Variants in FLNC observed in about 807,000 individuals in gnomAD.
FLNC encodes the protein filamin-C.
A neutral mutation model predicts 254.3 loss-of-function variants in FLNC; 91 were observed. The observed-to-expected ratio is 0.36, with a 90% confidence interval of 0.30 to 0.43. FLNC has a LOEUF of 0.43. Ranked by LOEUF, FLNC falls within the 20% of genes least tolerant of loss-of-function variation. FLNC has a pLI of 1.00. For synonymous variants in FLNC, 1,430 were observed against 1,577.2 expected, an observed-to-expected ratio of 0.91 and a Z score of 2.21; for missense variants, 2,853 against 3,802.6, an observed-to-expected ratio of 0.75 and a Z score of 6.57.
chr7:128,833,380 C>T (rs993586238), intron 1 of FLNC, among the ~76,000 whole-genome samples: 1 of 152,236 alleles, frequency 6.6e-6, no homozygotes, highest in Middle Eastern at 3.2e-3. Flanking sequence ...TGGGGGTATC[C>T]CTAGGCAGAT....
rs370520806 is a variant in FLNC at position 128,845,187 on chromosome 7, G to A, written c.3722G>A (p.Arg1241His). 3.6e-5 allele frequency: 58 copies of A among 1,613,890 alleles called. 1 individual carries two copies. In the Middle Eastern group the frequency reaches 4.9e-4, roughly 14 times the overall value. Residue 1241 changes from arginine (R) to histidine (H), a missense_variant, in exon 21 of 48, where the codon CGT becomes CAT. Transcript: ENST00000325888. ...CATCCCGTGCCCAAATTCCCCACCC[G>A]TGTCCATGTGCAGCCTGCGGTCGAT... ...GGHPVPKFPT[R>H]VHVQPAVDTS...
rs753191961 is a variant in FLNC, at chr7:128,849,386, T to C, written c.5007T>C (p.Asp1669=). Residue 1669 remains aspartate (D), a synonymous_variant, in exon 30 of 48, where the codon GAT becomes GAC. Coordinates refer to ENST00000325888, the MANE Select transcript of FLNC (RefSeq NM_001458.5). ...GGCAGGAGACGGTGATCACGGTGGA[T>C]GCCAAGGCAGCCGGTGAGGGGAAGG... ...QIGQETVITV[D]AKAAGEGKVT... 2 of 1,614,092 alleles carry C rather than the reference T, an allele frequency of 1.2e-6. No homozygotes were observed. The highest frequency in any genetic ancestry group is 2.2e-5 in the South Asian group (2 of 91,080).
chr7:128,834,343 C>A (rs1026073419), intron 1 of FLNC, among the ~76,000 whole-genome samples: 1 of 135,246 alleles, frequency 7.4e-6, no homozygotes, highest in Non-Finnish European at 1.5e-5. Flanking sequence ...GGAACCAGTT[C>A]TGGCTCAAAG....
rs1292424305 is a variant in FLNC at position 128,838,626 on chromosome 7, G to A, written c.1234G>A (p.Val412Met). 3.1e-6 allele frequency: 5 copies of A among 1,613,076 alleles called. No homozygotes were observed. The highest frequency in any genetic ancestry group is 2.2e-5 in the East Asian group (1 of 44,890). ...AGGGGCCGGCACTGGCGATGTTGCT[G>A]TGGTGATCGTGGACCCACAGGGCCG... ...TAGAGTGDVA[V>M]VIVDPQGRRD... The change falls in exon 8 of 48, where the codon GTG becomes ATG. Residue 412 changes from valine (V) to methionine (M), a missense_variant. Coordinates refer to ENST00000325888, the MANE Select transcript of FLNC (RefSeq NM_001458.5).
Position 128,857,255 on chromosome 7 carries a change from G to A in FLNC, c.7699G>A (p.Ala2567Thr), listed in dbSNP as rs764968138. The change falls in exon 46 of 48, where the codon GCC becomes ACC. Residue 2567 changes from alanine (A) to threonine (T), a missense_variant. Around this residue, in one of 10 missense-constraint regions of FLNC, gnomAD observed 197 missense variants for 351.5 expected, o/e 0.56. Coordinates refer to ENST00000325888, the MANE Select transcript of FLNC (RefSeq NM_001458.5). This position sits in a 1 kb window ranked among gnomAD's most constrained non-coding sequence, Gnocchi z 4.5. ...CCATGTGGTCACTTATACTCCCATG[G>A]CCCCTGGCAACTACCTCATTGCCAT... ...EGHVVTYTPM[A>T]PGNYLIAIKY... The A allele has an allele frequency of 1.2e-6, 2 of 1,614,068 alleles. No individual in the cohort carries two copies. Among genetic ancestry groups the A allele is most frequent in the Non-Finnish European group, 1.7e-6 (2 of 1,179,978 alleles).
rs553875281 is a variant in FLNC at position 128,851,724 on chromosome 7, C to T, written c.5842+96C>T. 88 of 1,312,702 alleles carry T rather than the reference C, an allele frequency of 6.7e-5. No individual in the cohort carries two copies. The African/African-American group carries it at 1.2e-3, about 18-fold the overall frequency. 81.3% of individuals were successfully genotyped at this position (1,312,702 alleles called of 1,614,324 possible). On this transcript the variant is annotated intron_variant, in intron 35 of 47. Transcript: ENST00000325888. ...CCCAGCCCGTTCAAGTCACTCGTGACATTAGGGCAGAGGCCCTTCAAGGTG... is the reference window on the plus strand; with the variant it reads ...CCCAGCCCGTTCAAGTCACTCGTGATATTAGGGCAGAGGCCCTTCAAGGTG...
rs1401551498 is a variant in FLNC at position 128,843,854 on chromosome 7, TG to T, written c.2872del (p.Val958Ter). 1 of 1,613,812 alleles carries T rather than the reference TG, an allele frequency of 6.2e-7. No homozygotes were observed. The highest frequency in any genetic ancestry group is 8.5e-7 in the Non-Finnish European group (1 of 1,180,008). ...GGDPVPKSPF[V>X]VNVAPPLDLS... ...GACCCTGTCCCCAAGAGCCCCTTTGTGGTGAATGTGGCACCCCCGCTGGACC... is the reference window on the plus strand; with the variant it reads ...GACCCTGTCCCCAAGAGCCCCTTTGTGTGAATGTGGCACCCCCGCTGGACC... On this transcript the variant is annotated frameshift_variant, in exon 19 of 48. Coordinates refer to ENST00000325888, the MANE Select transcript of FLNC (RefSeq NM_001458.5). LOFTEE classifies it high-confidence loss of function.
At chr7:128,850,511 G>A (rs557559627) in intron 32 of FLNC, 28 bp downstream of exon 32, 2 of 1,562,562 alleles carry the variant, frequency 1.3e-6, no homozygotes, top group East Asian at 2.2e-5. Flanking sequence ...CCAGGCATGA[G>A]GGCTGAGGGG....
At chr7:128,838,152 G>A (rs914287947) in intron 6 of FLNC, 88 bp downstream of exon 6, 45 of 1,491,362 alleles carry the variant, frequency 3.0e-5, no homozygotes, top group Middle Eastern at 1.7e-4. Flanking sequence ...TGTACCTCGC[G>A]CCTGCCCAGA....
chr7:128,841,055 T>A lies in FLNC; in HGVS notation c.1813+85T>A. On this transcript the variant is annotated intron_variant, in intron 11 of 47. Transcript: ENST00000325888. This position sits in a 1 kb window ranked among gnomAD's most constrained non-coding sequence, Gnocchi z 4.3. Reference sequence around the variant, plus strand: ...TGGGTAATGGGTGCAGTGCGCATGCTGGGGAGCGCTGGGGTGAGCAGGGAG... The same window carrying A: ...TGGGTAATGGGTGCAGTGCGCATGCAGGGGAGCGCTGGGGTGAGCAGGGAG... 6.4e-7 allele frequency: 1 copy of A among 1,559,448 alleles called. No homozygotes were observed. The highest frequency in any genetic ancestry group is 1.8e-5 in the Admixed American group (1 of 56,266).
In FLNC at chr7:128,836,606, G is replaced by A. The variant is rs1379475953; in HGVS notation, c.602-554G>A. ...GGCTCCTGAGGGCTGCAGAGGAGAA[G>A]TCATTCTCTCCTCACAGGCCCTTTA... On this transcript the variant is annotated intron_variant, in intron 2 of 47. Transcript: ENST00000325888. This position sits in a 1 kb window ranked among gnomAD's most constrained non-coding sequence, Gnocchi z 6.0. Among the ~76,000 whole-genome samples the A allele has an allele frequency of 6.6e-6, 1 of 152,220 alleles. No individual in the cohort carries two copies. The highest frequency in any genetic ancestry group is 6.5e-5 in the Admixed American group (1 of 15,286).
Position 128,852,709 on chromosome 7 carries a change from C to A in FLNC, c.5961C>A (p.Asn1987Lys). ...CCAGCATCCGTGCCCCCTCGGGCAACGAGGAGCCCTGCCTGCTGAAGCGCC... is the reference window on the plus strand; with the variant it reads ...CCAGCATCCGTGCCCCCTCGGGCAAAGAGGAGCCCTGCCTGCTGAAGCGCC... ...LTASIRAPSGNEEPCLLKRLP... is the reference protein window; with the variant it reads ...LTASIRAPSGKEEPCLLKRLP... Residue 1987 changes from asparagine (N) to lysine (K), a missense_variant, in exon 36 of 48, where the codon AAC becomes AAA. By Grantham distance (94) the Asn-to-Lys change is moderately conservative. Transcript: ENST00000325888. The A allele has an allele frequency of 6.2e-7, 1 of 1,613,236 alleles. No homozygotes were observed. The highest frequency in any genetic ancestry group is 8.5e-7 in the Non-Finnish European group (1 of 1,179,866).
At chr7:128,850,175 C>A in intron 31 of FLNC, 101 bp downstream of exon 31, 1 of 1,109,708 alleles carries the variant, frequency 9.0e-7, no homozygotes, top group Non-Finnish European at 1.3e-6. Context: ...GTCTGGGGGC[C>A]TCTTGGGGAG....
In FLNC at chr7:128,850,800, C is replaced by T. The variant is rs1014562353; in HGVS notation, c.5399-3C>T. ...TCTCCACGTAACTGTGTCTGCCCTG[C>T]AGGAGAGGTGCGGATGCCCTCGGGG... On this transcript the variant is annotated splice_polypyrimidine_tract_variant and splice_region_variant and intron_variant, in intron 32 of 47. Transcript: ENST00000325888. 6.2e-7 allele frequency: 1 copy of T among 1,613,748 alleles called. No individual in the cohort carries two copies. Among genetic ancestry groups the T allele is most frequent in the Non-Finnish European group, 8.5e-7 (1 of 1,180,018 alleles).
In FLNC at chr7:128,835,254, G is replaced by A. The variant is rs1317572485; in HGVS notation, c.353-72G>A. On this transcript the variant is annotated intron_variant, in intron 1 of 47. Coordinates refer to ENST00000325888, the MANE Select transcript of FLNC (RefSeq NM_001458.5). The surrounding 1 kb of genome is among the most constrained non-coding windows in gnomAD (Gnocchi z 5.3). ...GAGCTCTGGCCCGAGGAGCTGCGCA[G>A]GTGAGGGAGGGTGCTCTGGGGCAGT... The A allele has an allele frequency of 1.2e-6, 2 of 1,607,276 alleles. No homozygotes were observed. Among genetic ancestry groups the A allele is most frequent in the Non-Finnish European group, 1.7e-6 (2 of 1,177,164 alleles).
chr7:128,846,825 G>A lies in FLNC; in HGVS notation c.4208G>A (p.Gly1403Asp). ...ATGTCCTGCAAGGACAACAAGGATGGTAGCTGCACCGTGGAGTACATCCCC... is the reference window on the plus strand; with the variant it reads ...ATGTCCTGCAAGGACAACAAGGATGATAGCTGCACCGTGGAGTACATCCCC... ...AKMSCKDNKDGSCTVEYIPFT... is the reference protein window; with the variant it reads ...AKMSCKDNKDDSCTVEYIPFT... The change falls in exon 24 of 48, where the codon GGT becomes GAT. Residue 1403 changes from glycine to aspartate, a missense_variant. Transcript: ENST00000325888. 1 of 1,614,248 alleles carries A rather than the reference G, an allele frequency of 6.2e-7. No individual in the cohort carries two copies. Among genetic ancestry groups the A allele is most frequent in the Non-Finnish European group, 8.5e-7 (1 of 1,180,032 alleles).
chr7:128,849,113 C>A, intron 28 of FLNC, 68 bp from the exon 29 acceptor site: 1 of 1,571,168 alleles, frequency 6.4e-7, no homozygotes, highest in South Asian at 1.1e-5. Context: ...CCCTCCCTCC[C>A]TCACCCCCGC....
chr7:128,853,749 C>A lies in FLNC; in HGVS notation c.6396C>A (p.Gly2132=). Residue 2132 remains glycine, a synonymous_variant, in exon 39 of 48, where the codon GGC becomes GGA. Coordinates refer to ENST00000325888, the MANE Select transcript of FLNC (RefSeq NM_001458.5). ...TCACTGTGAAGGTGACCGGCGAGGGCCGCATGAAGGAGAGCATCACCCGGC... is the reference window on the plus strand; with the variant it reads ...TCACTGTGAAGGTGACCGGCGAGGGACGCATGAAGGAGAGCATCACCCGGC... ...SPFTVKVTGE[G]RMKESITRRR... 1 of 1,613,794 alleles carries A rather than the reference C, an allele frequency of 6.2e-7. No homozygotes were observed. The highest frequency in any genetic ancestry group is 2.2e-5 in the East Asian group (1 of 44,892).
chr7:128,854,987 G>A, intron 42 of FLNC, 75 bp downstream of exon 42: 1 of 1,525,608 alleles, frequency 6.6e-7, no homozygotes, highest in Non-Finnish European at 9.1e-7. Flanking sequence ...TGGCCAGGCA[G>A]GAGATGCTTG....
Sources: allele counts gnomAD v4.1 joint callset (sites outside exome capture counted in the v4.1 genomes callset), GRCh38; gene constraint gnomAD v4.1.1; regional missense constraint gnomAD v4.1.1; non-coding constraint Gnocchi (gnomAD v3.1); transcripts MANE v1.5; gene names NCBI Gene and HGNC (gene_info 2026-07-23, HGNC 2026-07-21).